PTPN3: variants seen among roughly 807,000 people sequenced by gnomAD.
The protein encoded by PTPN3 is tyrosine-protein phosphatase non-receptor type 3.
A neutral mutation model predicts 132.7 loss-of-function variants in PTPN3; 96 were observed. The ratio of observed to expected loss-of-function variants is 0.72; its 90% CI spans 0.61 to 0.86. The LOEUF (loss-of-function observed/expected upper bound fraction) is 0.86, where lower values mean the gene tolerates loss of function less well. Ranked by LOEUF, PTPN3 falls within the 40% of genes least tolerant of loss-of-function variation. The pLI is 0.00. For synonymous variants in PTPN3, 398 were observed against 429.0 expected, an observed-to-expected ratio of 0.93 and a Z score of 0.89; for missense variants, 1,125 against 1,159.6, an observed-to-expected ratio of 0.97 and a Z score of 0.43.
intron 1 of PTPN3, among the ~76,000 whole-genome samples, chr9:109,482,513 T>C (rs190525008): frequency 2.5e-4 from 38 of 152,390 alleles, no homozygotes; most frequent in Admixed American, 5.2e-4. Context: ...TGAGCAATCA[T>C]GAGTCAGAAG....
intron 7 of PTPN3, among the ~76,000 whole-genome samples, chr9:109,440,987 T>C (rs1335800621): frequency 6.6e-6 from 1 of 152,214 alleles, no homozygotes; most frequent in Admixed American, 6.5e-5. Context: ...TCCCACTTGT[T>C]ACTCATGGTA....
At chr9:109,418,360 C>T (rs1842670189) in intron 14 of PTPN3, among the ~76,000 whole-genome samples, 1 of 152,216 alleles carries the variant, frequency 6.6e-6, no homozygotes, top group Non-Finnish European at 1.5e-5. Flanking sequence ...GAATGCATCC[C>T]TCCCCACCTG....
the PTPN3 span, among the ~76,000 whole-genome samples, chr9:109,536,131 G>C: frequency 6.6e-6 from 1 of 152,116 alleles, no homozygotes; most frequent in Non-Finnish European, 1.5e-5. Flanking sequence ...TTGACCTTTT[G>C]TCTGGCTTCT....
chr9:109,405,717 G>C (rs950011266), intron 18 of PTPN3, among the ~76,000 whole-genome samples: 1 of 152,336 alleles, frequency 6.6e-6, no homozygotes, highest in East Asian at 1.9e-4. Flanking sequence ...AGCCTCCTGA[G>C]TAGCTGGGAC....
intron 1 of PTPN3, among the ~76,000 whole-genome samples, chr9:109,474,623 G>C (rs77573624): frequency 0.018 from 2,702 of 152,206 alleles, 82 homozygotes; most frequent in African/African-American, 0.061. Context: ...GCAAAGGTTG[G>C]GGGGGAAAAT....
chr9:109,531,194 T>G, the PTPN3 span, among the ~76,000 whole-genome samples: 1 of 152,226 alleles, frequency 6.6e-6, no homozygotes, highest in Admixed American at 6.5e-5. Context: ...AGATGTCATC[T>G]CGATCTAACC....
At chr9:109,391,871 G>GGT (rs1554777558) in intron 19 of PTPN3, among the ~76,000 whole-genome samples, 1 of 16,444 alleles carries the variant, frequency 6.1e-5, no homozygotes, top group Non-Finnish European at 1.3e-4. Context: ...AACTAGATGT[G>GGT]GGGGGGGGGG....
chr9:109,420,678 C>T lies in PTPN3; in HGVS notation c.1137-78G>A, dbSNP rs941322883. On this transcript the variant is annotated intron_variant, in intron 13 of 25. Coordinates refer to ENST00000374541, the MANE Select transcript of PTPN3 (RefSeq NM_002829.4). ...AATTTTATTAGACACCAGTGAACCT[C>T]GTGTCCTGACCTTTCTAAGGATGCC... is the stretch of plus-strand genomic sequence containing the variant. The T allele has an allele frequency of 7.6e-5, 108 of 1,414,228 alleles. 1 individual carries two copies. The highest frequency in any genetic ancestry group is 7.1e-4 in the South Asian group (52 of 73,422). 87.6% of individuals were successfully genotyped at this position (1,414,228 alleles called of 1,614,324 possible).
chr9:109,464,146 AG>A (rs1316531114), intron 1 of PTPN3, among the ~76,000 whole-genome samples: 1 of 152,242 alleles, frequency 6.6e-6, no homozygotes, highest in Non-Finnish European at 1.5e-5. Context: ...GAGGGTGTGG[AG>A]CAACCAGAAC....
intron 14 of PTPN3, 145 bp downstream of exon 14, chr9:109,420,279 T>C (rs549434995): frequency 3.8e-6 from 3 of 792,838 alleles, no homozygotes; most frequent in African/African-American, 1.7e-5. Context: ...GTCTGATTTA[T>C]GTTCTTATCC....
the PTPN3 span, among the ~76,000 whole-genome samples, chr9:109,522,263 G>A: frequency 9.8e-5 from 15 of 152,302 alleles, no homozygotes; most frequent in Middle Eastern, 3.4e-3. Flanking sequence ...AGAAATCCTA[G>A]CCAATGTCTT....
rs182597243 is a variant in PTPN3 at position 109,485,422 on chromosome 9, G to A, written c.-18+12797C>T. Among the ~76,000 whole-genome samples, 9 of 152,216 alleles carry A rather than the reference G, an allele frequency of 5.9e-5. No homozygotes were observed. In the East Asian group the frequency reaches 9.7e-4, roughly 16 times the overall value. ...ACGCGGGAGGCTGAGGCAGGAGAAC[G>A]GCGTGAACCTGGGAGGCGGAGCTTG... On this transcript the variant is annotated intron_variant, in intron 1 of 25. Transcript: ENST00000374541.
At chr9:109,454,717 A>G in intron 4 of PTPN3, 143 bp from the exon 5 acceptor site, 1 of 639,266 alleles carries the variant, frequency 1.6e-6, no homozygotes, top group Non-Finnish European at 2.7e-6. Flanking sequence ...AACATGGAGT[A>G]CATAAGTTAG....
At chr9:109,524,792 G>C in the PTPN3 span, among the ~76,000 whole-genome samples, 2 of 152,110 alleles carry the variant, frequency 1.3e-5, no homozygotes, top group African/African-American at 4.8e-5. Context: ...GTCTGGAGTG[G>C]AGTGGCATGA....
In PTPN3 at chr9:109,444,935, G is replaced by A. The variant is rs1340375787; in HGVS notation, c.466+305C>T. 5.9e-5 allele frequency among the ~76,000 whole-genome samples: 9 copies of A among 152,250 alleles called. No individual in the cohort carries two copies. In the East Asian group the frequency reaches 1.5e-3, roughly 26 times the overall value. On this transcript the variant is annotated intron_variant, in intron 7 of 25. Transcript: ENST00000374541. ...TGTATGAAGATCAGATCAAATGCCT[G>A]AGCAAAGTTTCTGGAAAATGCAATG...
At chr9:109,475,194 G>A (rs1157119528) in intron 1 of PTPN3, among the ~76,000 whole-genome samples, 1 of 152,120 alleles carries the variant, frequency 6.6e-6, no homozygotes, top group Non-Finnish European at 1.5e-5. Flanking sequence ...GGCCTCAGAG[G>A]GCAGACTGAC....
At position 109,375,820 on chromosome 9, in the gene PTPN3, C is replaced by T. The variant is rs1256769460; in HGVS notation, c.*3736G>A. 1 of 152,184 alleles carries T rather than the reference C, an allele frequency of 6.6e-6. No homozygotes were observed. The highest frequency in any genetic ancestry group is 1.5e-5 in the Non-Finnish European group (1 of 68,040). 9.4% of individuals were successfully genotyped at this position (152,184 alleles called of 1,614,324 possible). On this transcript the variant is annotated 3_prime_UTR_variant, in exon 26 of 26. Coordinates refer to ENST00000374541, the MANE Select transcript of PTPN3 (RefSeq NM_002829.4). ...AAAAAGATTACTGCTCAGTTAAGGTCCTTTTCCAAATAACTTCACACAAAT... is the reference window on the plus strand; with the variant it reads ...AAAAAGATTACTGCTCAGTTAAGGTTCTTTTCCAAATAACTTCACACAAAT...
chr9:109,442,831 C>T (rs1844585368), intron 7 of PTPN3, among the ~76,000 whole-genome samples: 1 of 152,124 alleles, frequency 6.6e-6, no homozygotes, highest in South Asian at 2.1e-4. Context: ...AGCTCAAAGT[C>T]GGGCAGGTAC....
chr9:109,430,700 T>C (rs1453275326), intron 10 of PTPN3, among the ~76,000 whole-genome samples: 1 of 152,184 alleles, frequency 6.6e-6, no homozygotes, highest in African/African-American at 2.4e-5. Context: ...AGTAAATCAC[T>C]GTAACTGTGA....
Sources: gnomAD v4.1 joint callset for allele counts (sites outside exome capture counted in the v4.1 genomes callset) on GRCh38, gnomAD v4.1.1 for gene constraint, MANE v1.5 for transcripts, NCBI Gene and HGNC (gene_info 2026-07-23, HGNC 2026-07-21) for gene names.